The following SPTLC3 variants were observed in gnomAD, a reference collection of about 807,000 sequenced individuals.
The protein encoded by SPTLC3 is serine palmitoyltransferase long chain base subunit 3.
A neutral mutation model predicts 59.3 loss-of-function variants in SPTLC3; 36 were observed. That is an observed-to-expected ratio of 0.61 (90% CI 0.47 to 0.80). SPTLC3 has a LOEUF of 0.80. Ranked by LOEUF, SPTLC3 falls within the 30% of genes least tolerant of loss-of-function variation. The pLI is 0.00. For synonymous variants in SPTLC3, 257 were observed against 240.8 expected (o/e 1.07, Z -0.62); for missense variants, 625 against 685.1 (o/e 0.91, Z 0.98).
At chr20:13,041,327 C>T (rs1986972415) in intron 1 of SPTLC3, among the ~76,000 whole-genome samples, 1 of 151,950 alleles carries the variant, frequency 6.6e-6, no homozygotes, top group African/African-American at 2.4e-5. Flanking sequence ...ACAAATTCCC[C>T]TTCTCTATCT....
At chr20:13,161,083 AG>A (rs1196142197) in intron 11 of SPTLC3, among the ~76,000 whole-genome samples, 1 of 152,254 alleles carries the variant, frequency 6.6e-6, no homozygotes, top group Non-Finnish European at 1.5e-5. Flanking sequence ...GGCTAATGGT[AG>A]TGGAAACAAA....
intron 9 of SPTLC3, among the ~76,000 whole-genome samples, chr20:13,152,036 T>G (rs1288104440): frequency 6.6e-6 from 1 of 152,150 alleles, no homozygotes; most frequent in Non-Finnish European, 1.5e-5. Context: ...AATGAGAGTT[T>G]TATTGATCTT....
intron 6 of SPTLC3, among the ~76,000 whole-genome samples, chr20:13,107,825 TGGTAGCATACA>T (rs1388907235): frequency 1.3e-5 from 2 of 151,914 alleles, no homozygotes; most frequent in African/African-American, 2.4e-5. Context: ...CAGATATTAT[TGGTAGCATACA>T]GGTAGCATAC....
intron 2 of SPTLC3, among the ~76,000 whole-genome samples, chr20:13,071,400 T>A (rs1988429949): frequency 6.6e-6 from 1 of 152,228 alleles, no homozygotes; most frequent in Non-Finnish European, 1.5e-5. Context: ...TAACAGTTGT[T>A]AGCCAAAAAT....
intron 6 of SPTLC3, among the ~76,000 whole-genome samples, chr20:13,099,102 C>A (rs1015144875): frequency 6.6e-6 from 1 of 152,104 alleles, no homozygotes; most frequent in Non-Finnish European, 1.5e-5. Flanking sequence ...GAATTCAGGC[C>A]GCAAAACAGC....
At chr20:13,013,163 C>A (rs142328581) in intron 1 of SPTLC3, among the ~76,000 whole-genome samples, 2 of 152,250 alleles carry the variant, frequency 1.3e-5, no homozygotes, top group Admixed American at 6.5e-5. Context: ...AAGGATTAAG[C>A]CACATTATTA....
chr20:13,135,720 G>A (rs73085892), intron 9 of SPTLC3, among the ~76,000 whole-genome samples: 3,111 of 152,314 alleles, frequency 0.02, 53 homozygotes, highest in Non-Finnish European at 0.031. Context: ...AAGTTGGAAC[G>A]ATTCTAGCTA....
intron 6 of SPTLC3, among the ~76,000 whole-genome samples, chr20:13,101,439 C>A (rs1203706921): frequency 6.6e-6 from 1 of 152,074 alleles, no homozygotes; most frequent in African/African-American, 2.4e-5. Context: ...CTGTTAGTAG[C>A]CTCAATTTCA....
At chr20:13,059,176 A>G (rs909603091) in intron 2 of SPTLC3, among the ~76,000 whole-genome samples, 5 of 152,218 alleles carry the variant, frequency 3.3e-5, no homozygotes, top group African/African-American at 1.2e-4. Flanking sequence ...AGTTAAATTC[A>G]AAAAACTACA....
At chr20:13,160,174 T>C (rs751374153) in intron 11 of SPTLC3, 42 bp downstream of exon 11, 8 of 1,567,930 alleles carry the variant, frequency 5.1e-6, no homozygotes, top group East Asian at 2.3e-5. Flanking sequence ...TACCAGTACC[T>C]TGGATTCAAA....
intron 9 of SPTLC3, among the ~76,000 whole-genome samples, chr20:13,138,517 G>C (rs2038305164): frequency 6.6e-6 from 1 of 152,164 alleles, no homozygotes; most frequent in East Asian, 1.9e-4. Context: ...GTAGTGATTA[G>C]TTATTTAATT....
At chr20:13,140,054 A>G (rs1301588088) in intron 9 of SPTLC3, among the ~76,000 whole-genome samples, 1 of 152,170 alleles carries the variant, frequency 6.6e-6, no homozygotes, top group Non-Finnish European at 1.5e-5. Context: ...GAAGCAGAAA[A>G]TAGACCCTGA....
At chr20:13,146,376 C>T (rs955543483) in intron 9 of SPTLC3, among the ~76,000 whole-genome samples, 5 of 152,038 alleles carry the variant, frequency 3.3e-5, no homozygotes, top group African/African-American at 1.2e-4. Flanking sequence ...ACCCCCACGA[C>T]ACGTGTTTAC....
chr20:13,025,826 T>C (rs1253864548), intron 1 of SPTLC3, among the ~76,000 whole-genome samples: 1 of 152,136 alleles, frequency 6.6e-6, no homozygotes, highest in African/African-American at 2.4e-5. Context: ...TATTTCATCA[T>C]CCAGGTACTA....
chr20:13,124,502 CA>C (rs1273346361), intron 8 of SPTLC3, among the ~76,000 whole-genome samples: 5 of 149,580 alleles, frequency 3.3e-5, no homozygotes, highest in Non-Finnish European at 5.9e-5. Flanking sequence ...AAGGAAGAAA[CA>C]AAAAAACAAA....
chr20:13,096,700 G>C (rs766008016), intron 6 of SPTLC3, among the ~76,000 whole-genome samples: 1 of 152,096 alleles, frequency 6.6e-6, no homozygotes, highest in Non-Finnish European at 1.5e-5. Flanking sequence ...TTTTGATGGG[G>C]TGATGGTTAC....
At chr20:13,158,557 C>A (rs2038825181) in intron 10 of SPTLC3, among the ~76,000 whole-genome samples, 1 of 152,188 alleles carries the variant, frequency 6.6e-6, no homozygotes. Context: ...ACTTGTTTCT[C>A]AGACAATTAT....
chr20:13,117,963 G>A (rs1283149578), intron 8 of SPTLC3, among the ~76,000 whole-genome samples: 1 of 152,094 alleles, frequency 6.6e-6, no homozygotes, highest in Non-Finnish European at 1.5e-5. Flanking sequence ...TGGCAACACT[G>A]GCCGTGTACA....
chr20:13,058,390 T>C (rs1174099635), intron 2 of SPTLC3, among the ~76,000 whole-genome samples: 3 of 152,150 alleles, frequency 2.0e-5, no homozygotes, highest in Non-Finnish European at 4.4e-5. Context: ...AAAGTTTCAT[T>C]GGGGTATCTC....
Sources: allele counts gnomAD v4.1 joint callset (sites outside exome capture counted in the v4.1 genomes callset), GRCh38; gene constraint gnomAD v4.1.1; transcripts MANE v1.5; gene names NCBI Gene and HGNC (gene_info 2026-07-23, HGNC 2026-07-21).